The following PCDHGA7 variants were observed in gnomAD, a reference collection of about 807,000 sequenced individuals.
PCDHGA7 encodes the protein protocadherin gamma-A7.
Under a neutral mutation model 58.3 loss-of-function variants are expected in PCDHGA7, and 44 were observed. The observed-to-expected ratio is 0.75, with a 90% confidence interval of 0.59 to 0.97. The LOEUF is 0.97. Among genes scored for constraint, PCDHGA7 ranks in the 50% least tolerant of loss-of-function variants. The pLI is 0.00. For synonymous variants in PCDHGA7, 516 were observed against 504.2 expected, an observed-to-expected ratio of 1.02 and a Z score of -0.31; for missense variants, 1,266 against 1,188.7, an observed-to-expected ratio of 1.06 and a Z score of -0.96.
intron 1 of PCDHGA7, among the ~76,000 whole-genome samples, 184 bp from the exon 2 acceptor site, chr5:141,494,623 C>A (rs2099755716): frequency 6.6e-6 from 1 of 152,146 alleles, no homozygotes; most frequent in Non-Finnish European, 1.5e-5. Flanking sequence ...GTTTCTGGTA[C>A]CTCAGACCTC....
chr5:141,399,133 G>A (rs1054849184), intron 1 of PCDHGA7: 1 of 1,613,714 alleles, frequency 6.2e-7, no homozygotes, highest in Non-Finnish European at 8.5e-7. Flanking sequence ...TATTCAAGAT[G>A]AAAATGACAA....
At chr5:141,436,959 G>A (rs1385958934) in intron 1 of PCDHGA7, among the ~76,000 whole-genome samples, 1 of 152,120 alleles carries the variant, frequency 6.6e-6, no homozygotes, top group Non-Finnish European at 1.5e-5. Context: ...TCTAAACAAG[G>A]ATCTTGTGAA....
rs762136393 is a variant in PCDHGA7 at position 141,384,070 on chromosome 5, C to A, written c.1171C>A (p.Pro391Thr). 2 of 1,603,864 alleles carry A rather than the reference C, an allele frequency of 1.2e-6. No homozygotes were observed. The highest frequency in any genetic ancestry group is 3.4e-5 in the Admixed American group (2 of 58,536). Residue 391 changes from proline to threonine, a missense_variant, in exon 1 of 4, where the codon CCT (proline) becomes ACT (threonine). Coordinates refer to ENST00000518325, the MANE Select transcript of PCDHGA7 (RefSeq NM_018920.4). ...GACCTGCACCATTCCAGAAAACCTA[C>A]CTTTTAAATTAGAAAAATCAATAGA... ...EVTCTIPENL[P>T]FKLEKSIDNY...
intron 2 of PCDHGA7, among the ~76,000 whole-genome samples, chr5:141,502,783 G>A (rs2099816035): frequency 6.6e-6 from 1 of 151,652 alleles, no homozygotes; most frequent in African/African-American, 2.4e-5. Context: ...AAAATTACCT[G>A]GATGATTTCT....
At chr5:141,483,009 C>G (rs538900128) in intron 1 of PCDHGA7, among the ~76,000 whole-genome samples, 1 of 152,060 alleles carries the variant, frequency 6.6e-6, no homozygotes, top group South Asian at 2.1e-4. Context: ...TGCTTGAACC[C>G]GGGAGGCAGA....
intron 1 of PCDHGA7, chr5:141,423,360 G>T (rs762976655): frequency 1.2e-6 from 2 of 1,614,224 alleles, no homozygotes; most frequent in South Asian, 2.2e-5. Context: ...TTGTCATCGT[G>T]CTGCTGGCAC....
rs778372966 is a variant in PCDHGA7, at chr5:141,477,105, A to G, written c.2425-17702A>G. The G allele has an allele frequency of 7.4e-6, 12 of 1,614,106 alleles. No individual in the cohort carries two copies. The highest frequency in any genetic ancestry group is 4.0e-5 in the African/African-American group (3 of 74,934). On this transcript the variant is annotated intron_variant, in intron 1 of 3. Transcript: ENST00000518325. This position sits in a 1 kb window ranked among gnomAD's most constrained non-coding sequence, Gnocchi z 4.9. ...ATCCAGGCCAAAGACAAGGGCGCCA[A>G]TCCCGAAGGAGCACATTGCAAAGTG...
intron 1 of PCDHGA7, chr5:141,388,337 A>C: frequency 6.2e-7 from 1 of 1,613,990 alleles, no homozygotes; most frequent in Non-Finnish European, 8.5e-7. Context: ...CTGGCACACG[A>C]TTTATATTAG....
chr5:141,456,975 A>T (rs1240583336), intron 1 of PCDHGA7, among the ~76,000 whole-genome samples: 1 of 152,178 alleles, frequency 6.6e-6, no homozygotes, highest in East Asian at 1.9e-4. Flanking sequence ...AACAAAACAA[A>T]CAAACAAACA....
intron 1 of PCDHGA7, chr5:141,399,412 T>A: frequency 6.2e-7 from 1 of 1,613,948 alleles, no homozygotes; most frequent in Non-Finnish European, 8.5e-7. Flanking sequence ...GCCGCCCCTC[T>A]CCTCCAGCAT....
intron 1 of PCDHGA7, chr5:141,400,091 C>A: frequency 6.2e-7 from 1 of 1,614,072 alleles, no homozygotes; most frequent in Non-Finnish European, 8.5e-7. Context: ...GCCACCGCCA[C>A]GCTGCACTTG....
chr5:141,423,765 G>A (rs775053869), intron 1 of PCDHGA7: 11 of 233,406 alleles, frequency 4.7e-5, no homozygotes, highest in Admixed American at 1.2e-4. Context: ...GGGGGGTGGG[G>A]CGGCATATAT....
chr5:141,407,970 C>T, intron 1 of PCDHGA7: 2 of 716,252 alleles, frequency 2.8e-6, no homozygotes, highest in Non-Finnish European at 4.3e-6. Context: ...CAAGCGCTGA[C>T]GCCGGGGATC....
At chr5:141,478,926 G>A in intron 1 of PCDHGA7, 1 of 687,216 alleles carries the variant, frequency 1.5e-6, no homozygotes, top group Non-Finnish European at 2.3e-6. Flanking sequence ...CTAACCAGTG[G>A]CAGCTTCTAG....
At chr5:141,467,455 GCTAGTA>G (rs2099144342) in intron 1 of PCDHGA7, among the ~76,000 whole-genome samples, 1 of 152,192 alleles carries the variant, frequency 6.6e-6, no homozygotes, top group African/African-American at 2.4e-5. Context: ...TTCTTCCAGT[GCTAGTA>G]CTTGCATGGT....
chr5:141,419,923 G>A, intron 1 of PCDHGA7: 4 of 1,614,088 alleles, frequency 2.5e-6, no homozygotes, highest in Non-Finnish European at 3.4e-6. Flanking sequence ...AGGCTGAGAT[G>A]CAGTTTTACC....
At chr5:141,435,112 T>A (rs906494104) in intron 1 of PCDHGA7, among the ~76,000 whole-genome samples, 1 of 152,102 alleles carries the variant, frequency 6.6e-6, no homozygotes, top group Non-Finnish European at 1.5e-5. Context: ...GGGGGAGAAA[T>A]CTAATTCAAT....
At chr5:141,419,529 A>G (rs2096395609) in intron 1 of PCDHGA7, 2 of 1,612,082 alleles carry the variant, frequency 1.2e-6, no homozygotes, top group Non-Finnish European at 1.7e-6. Context: ...GACCGTAACG[A>G]CAACGCACCG....
intron 1 of PCDHGA7, chr5:141,414,464 A>G (rs1331771342): frequency 1.2e-6 from 2 of 1,613,904 alleles, no homozygotes; most frequent in African/African-American, 1.3e-5. Context: ...ACAGCCACAG[A>G]TGGGGGAAGT....
Sources: gnomAD v4.1 joint callset for allele counts (sites outside exome capture counted in the v4.1 genomes callset) on GRCh38, gnomAD v4.1.1 for gene constraint, Gnocchi (gnomAD v3.1) non-coding constraint, MANE v1.5 for transcripts, NCBI Gene and HGNC (gene_info 2026-07-23, HGNC 2026-07-21) for gene names.